EFEMP1: variants seen among roughly 807,000 people sequenced by gnomAD.
EFEMP1 encodes the protein EGF-like fibulin extracellular matrix protein 1.
EFEMP1 carries 18 observed loss-of-function variants against 65.7 expected under a neutral mutation model. The ratio of observed to expected loss-of-function variants is 0.27; its 90% CI spans 0.19 to 0.41. EFEMP1 has a LOEUF of 0.41. EFEMP1 is among the 10% of genes least tolerant of loss of function. The probability of loss-of-function intolerance (pLI) is 1.00; values close to 1 mark genes in which losing one functional copy is unlikely to be tolerated. For synonymous variants in EFEMP1, 237 were observed against 219.7 expected (o/e 1.08, Z -0.70); for missense variants, 469 against 624.8 (o/e 0.75, Z 2.66).
At chr2:55,908,328 T>C (rs1400722624) in intron 5 of EFEMP1, among the ~76,000 whole-genome samples, 2 of 152,170 alleles carry the variant, frequency 1.3e-5, no homozygotes, top group African/African-American at 4.8e-5. Context: ...ATCAATGTTT[T>C]CTACCCTTAC....
At chr2:55,909,040 CGG>C (rs150984953) in intron 5 of EFEMP1, among the ~76,000 whole-genome samples, 1 of 152,184 alleles carries the variant, frequency 6.6e-6, no homozygotes, top group African/African-American at 2.4e-5. Flanking sequence ...AAGCTTAAAA[CGG>C]GGACAAGGTA....
Position 55,917,956 on chromosome 2 carries a change from G to T in EFEMP1, c.226C>A (p.Gln76Lys). Residue 76 changes from glutamine (Q) to lysine (K), a missense_variant, in exon 5 of 12, where the codon CAG becomes AAG. Around this residue, in one of 3 missense-constraint regions of EFEMP1, gnomAD observed 4 missense variants for 23.6 expected, o/e 0.17. Transcript: ENST00000355426. The surrounding 1 kb of genome is among the most constrained non-coding windows in gnomAD (Gnocchi z 6.3). Reference sequence around the variant, plus strand: ...GGCTGTTCATTATTGACAATAATCTGGGCTGTTTTCGGAAGGCAGAGGTAT... The same window carrying T: ...GGCTGTTCATTATTGACAATAATCTTGGCTGTTTTCGGAAGGCAGAGGTAT... ...GGYLCLPKTA[Q>K]IIVNNEQPQQ... 1 of 1,614,188 alleles carries T rather than the reference G, an allele frequency of 6.2e-7. No homozygotes were observed. Among genetic ancestry groups the T allele is most frequent in the Non-Finnish European group, 8.5e-7 (1 of 1,180,046 alleles).
intron 5 of EFEMP1, among the ~76,000 whole-genome samples, chr2:55,916,107 ATTT>A (rs576215544): frequency 2.3e-5 from 3 of 129,428 alleles, no homozygotes; most frequent in Non-Finnish European, 1.7e-5. Flanking sequence ...AGTTTCCTTC[ATTT>A]TTTTTTTTTT....
chr2:55,894,424 C>T (rs987688925), intron 5 of EFEMP1, among the ~76,000 whole-genome samples: 3 of 128,232 alleles, frequency 2.3e-5, no homozygotes, highest in Non-Finnish European at 5.0e-5. Context: ...ACAAGGATTT[C>T]TGGTCATTTG....
At chr2:55,874,823 A>T (rs887674226) in intron 9 of EFEMP1, 123 bp downstream of exon 9, 1 of 1,055,900 alleles carries the variant, frequency 9.5e-7, no homozygotes, top group Admixed American at 2.8e-5. Flanking sequence ...AGGGGAAAAA[A>T]GAGCTTAAAT....
At position 55,881,724 on chromosome 2, in the gene EFEMP1, C is replaced by T. The variant is rs769690555; in HGVS notation, c.528G>A (p.Glu176=). ...SEHNVCQDID[E]CTAGTHNCRA... ...TACAGTTGTGCGTCCCTGCAGTGCA[C>T]TCGTCTATGTCTGTCAGAGACATGC... Residue 176 remains glutamate, a synonymous_variant, in exon 6 of 12, where the codon GAG becomes GAA. Transcript: ENST00000355426. 12 of 1,613,780 alleles carry T rather than the reference C, an allele frequency of 7.4e-6. No homozygotes were observed. The highest frequency in any genetic ancestry group is 5.5e-5 in the South Asian group (5 of 91,088).
intron 5 of EFEMP1, among the ~76,000 whole-genome samples, chr2:55,916,452 C>T (rs996594145): frequency 2.0e-5 from 3 of 152,182 alleles, no homozygotes; most frequent in South Asian, 2.1e-4. Context: ...GTATCTTTTA[C>T]ACAGAAGATA....
chr2:55,881,554 G>A lies in EFEMP1; in HGVS notation c.640+58C>T, dbSNP rs11680866. On this transcript the variant is annotated intron_variant, in intron 6 of 11. Coordinates refer to ENST00000355426, the MANE Select transcript of EFEMP1 (RefSeq NM_001039348.3). ...TGAATGCTTTGATTGGAATGCTTGA[G>A]GTTGAAACAGTTAAGGTACTCAAGA... 0.13 allele frequency: 213,948 copies of A among 1,608,076 alleles called. 16,036 individuals are homozygous for A. Among genetic ancestry groups the A allele is most frequent in the South Asian group, 0.28 (25,512 of 90,876 alleles).
intron 5 of EFEMP1, among the ~76,000 whole-genome samples, chr2:55,882,913 C>T (rs1296319445): frequency 6.6e-6 from 1 of 151,960 alleles, no homozygotes; most frequent in African/African-American, 2.4e-5. Context: ...AAAAAATTCA[C>T]CCAATTTCTG....
chr2:55,878,322 T>G (rs978769146), intron 6 of EFEMP1, among the ~76,000 whole-genome samples: 2 of 152,206 alleles, frequency 1.3e-5, no homozygotes, highest in African/African-American at 4.8e-5. Flanking sequence ...CTATAAGATG[T>G]GGATAGCAAG....
intron 5 of EFEMP1, among the ~76,000 whole-genome samples, chr2:55,906,222 C>CTTT (rs577782138): frequency 1.4e-4 from 18 of 129,788 alleles, no homozygotes; most frequent in Non-Finnish European, 9.7e-5. Context: ...AGCCCTGCAT[C>CTTT]TTTTTTTTTT....
chr2:55,881,311 G>A (rs561939420), intron 6 of EFEMP1, among the ~76,000 whole-genome samples: 11 of 152,308 alleles, frequency 7.2e-5, no homozygotes, highest in East Asian at 3.9e-4. Flanking sequence ...GTGTGTTAGC[G>A]CGATGGCCCC....
In EFEMP1 at chr2:55,903,526, G is replaced by C. The variant is rs531506316; in HGVS notation, c.517+14139C>G. Among the ~76,000 whole-genome samples, 4 of 152,196 alleles carry C rather than the reference G, an allele frequency of 2.6e-5. No individual in the cohort carries two copies. In the South Asian group the frequency reaches 8.3e-4, roughly 32 times the overall value. The stretch of plus-strand genomic sequence containing the variant: ...ATGTATAATGTCATGCCTTAACCCA[G>C]ACCTACCCAGAATCAGAATTTTCAT... On this transcript the variant is annotated intron_variant, in intron 5 of 11. Transcript: ENST00000355426.
chr2:55,890,835 T>A (rs1669602706), intron 5 of EFEMP1, among the ~76,000 whole-genome samples: 1 of 152,070 alleles, frequency 6.6e-6, no homozygotes, highest in African/African-American at 2.4e-5. Context: ...CCTCATATCA[T>A]CCTTATCTTT....
At position 55,919,820 on chromosome 2, in the gene EFEMP1, G is replaced by A. The variant is rs1019674955; in HGVS notation, c.82-1553C>T. On this transcript the variant is annotated intron_variant, in intron 3 of 11. Coordinates refer to ENST00000355426, the MANE Select transcript of EFEMP1 (RefSeq NM_001039348.3). The surrounding 1 kb of genome is among the most constrained non-coding windows in gnomAD (Gnocchi z 4.5). The stretch of plus-strand genomic sequence containing the variant: ...TGTTAAAGGTACCACTACCTTTTTC[G>A]AAACCCAGGATTCCAACTTTAACAT... Among the ~76,000 whole-genome samples the A allele has an allele frequency of 6.6e-6, 1 of 151,792 alleles. No homozygotes were observed. Among genetic ancestry groups the A allele is most frequent in the South Asian group, 2.1e-4 (1 of 4,810 alleles).
chr2:55,923,432 A>C lies in EFEMP1; in HGVS notation c.-49+279T>G, dbSNP rs1232202095. On this transcript the variant is annotated intron_variant, in intron 1 of 11. Coordinates refer to ENST00000355426, the MANE Select transcript of EFEMP1 (RefSeq NM_001039348.3). The surrounding 1 kb of genome is among the most constrained non-coding windows in gnomAD (Gnocchi z 5.3). Reference sequence around the variant, plus strand: ...TAAATCTCGCACACTGGTCCCCTAAACTTTCAAAACCACGTTTATGGGCAA... The same window carrying C: ...TAAATCTCGCACACTGGTCCCCTAACCTTTCAAAACCACGTTTATGGGCAA... 2.0e-5 allele frequency among the ~76,000 whole-genome samples: 3 copies of C among 152,072 alleles called. No homozygotes were observed. The East Asian group carries it at 5.8e-4, about 29-fold the overall frequency.
chr2:55,882,910 T>A (rs1343835538), intron 5 of EFEMP1, among the ~76,000 whole-genome samples: 1 of 151,972 alleles, frequency 6.6e-6, no homozygotes, highest in African/African-American at 2.4e-5. Context: ...AATAAAAAAT[T>A]CACCCAATTT....
chr2:55,892,036 A>C (rs1181870932), intron 5 of EFEMP1, among the ~76,000 whole-genome samples: 2 of 152,114 alleles, frequency 1.3e-5, no homozygotes, highest in African/African-American at 2.4e-5. Flanking sequence ...AAGCAACAGC[A>C]TTCAAATAAC....
rs1314412726 is a variant in EFEMP1, at chr2:55,877,407, G to C, written c.760+339C>G. 6.6e-6 allele frequency among the ~76,000 whole-genome samples: 1 copy of C among 152,124 alleles called. No individual in the cohort carries two copies. Among genetic ancestry groups the C allele is most frequent in the African/African-American group, 2.4e-5 (1 of 41,436 alleles). Reference sequence around the variant, plus strand: ...GTAAAAATCAGATGCACTTTCAGTGGAAAGTTTATATACTTGAACTTGTAG... The same window carrying C: ...GTAAAAATCAGATGCACTTTCAGTGCAAAGTTTATATACTTGAACTTGTAG... On this transcript the variant is annotated intron_variant, in intron 7 of 11. Coordinates refer to ENST00000355426, the MANE Select transcript of EFEMP1 (RefSeq NM_001039348.3). This position sits in a 1 kb window ranked among gnomAD's most constrained non-coding sequence, Gnocchi z 4.5.
Sources: allele counts gnomAD v4.1 joint callset (sites outside exome capture counted in the v4.1 genomes callset), GRCh38; gene constraint gnomAD v4.1.1; regional missense constraint gnomAD v4.1.1; non-coding constraint Gnocchi (gnomAD v3.1); transcripts MANE v1.5; gene names NCBI Gene and HGNC (gene_info 2026-07-23, HGNC 2026-07-21).